Variants in DCC observed in about 807,000 individuals in gnomAD.
DCC encodes DCC netrin 1 receptor, also known as netrin receptor DCC.
In DCC, 58 loss-of-function variants were observed where a neutral mutation model predicts 172.5. The ratio of observed to expected loss-of-function variants is 0.34; its 90% CI spans 0.27 to 0.42. DCC has a LOEUF of 0.42. Ranked by LOEUF, DCC falls within the 10% of genes least tolerant of loss-of-function variation. The pLI, the probability that DCC is intolerant of heterozygous loss-of-function variation, is 1.00. For missense variants in DCC, 1,740 were observed against 1,791.0 expected (o/e 0.97, Z 0.51); for synonymous variants, 709 against 644.5 (o/e 1.10, Z -1.52).
intron 7 of DCC, among the ~76,000 whole-genome samples, chr18:53,087,573 GTTTCTTT>G (rs1287628553): frequency 1.3e-5 from 2 of 152,134 alleles, no homozygotes; most frequent in Non-Finnish European, 2.9e-5. Context: ...TCTGATGGTA[GTTTCTTT>G]TGCTGTGCAG....
chr18:52,711,172 T>G (rs2036285532), intron 1 of DCC, among the ~76,000 whole-genome samples: 1 of 152,334 alleles, frequency 6.6e-6, no homozygotes, highest in Admixed American at 6.5e-5. Context: ...TATTTATTTG[T>G]TTATTCTGTC....
chr18:53,113,951 C>G (rs1389263929), intron 7 of DCC, among the ~76,000 whole-genome samples: 2 of 151,286 alleles, frequency 1.3e-5, no homozygotes, highest in Admixed American at 1.3e-4. Flanking sequence ...TTCTATTGCT[C>G]TAAATTTCTG....
intron 27 of DCC, among the ~76,000 whole-genome samples, chr18:53,519,018 T>C (rs1365716634): frequency 1.3e-5 from 2 of 152,098 alleles, no homozygotes; most frequent in East Asian, 3.9e-4. Context: ...TTATTGCAAT[T>C]TGAGTTAAGC....
intron 2 of DCC, among the ~76,000 whole-genome samples, chr18:52,823,796 G>T (rs2038454559): frequency 6.6e-6 from 1 of 152,122 alleles, no homozygotes; most frequent in Non-Finnish European, 1.5e-5. Flanking sequence ...TATCTTCAGG[G>T]GGTGTCCTGT....
At chr18:53,088,047 G>T (rs1395981147) in intron 7 of DCC, among the ~76,000 whole-genome samples, 1 of 152,146 alleles carries the variant, frequency 6.6e-6, no homozygotes, top group African/African-American at 2.4e-5. Context: ...GATGCCTCCA[G>T]CTTTGTTCTT....
intron 2 of DCC, among the ~76,000 whole-genome samples, chr18:52,800,568 G>C (rs761716994): frequency 1.3e-5 from 2 of 152,180 alleles, no homozygotes; most frequent in Non-Finnish European, 2.9e-5. Flanking sequence ...GTTGAAAATG[G>C]TGTTGACGGT....
chr18:52,355,012 T>C (rs1283896409), intron 1 of DCC, among the ~76,000 whole-genome samples: 2 of 152,184 alleles, frequency 1.3e-5, no homozygotes, highest in African/African-American at 4.8e-5. Context: ...CGAATGCATA[T>C]AGGGCATTTG....
chr18:52,723,643 A>G (rs895537208), intron 1 of DCC, among the ~76,000 whole-genome samples: 1 of 152,172 alleles, frequency 6.6e-6, no homozygotes, highest in Admixed American at 6.5e-5. Flanking sequence ...CAGATGAATC[A>G]CTTAGCATGG....
At chr18:52,487,639 C>T (rs893605996) in intron 1 of DCC, among the ~76,000 whole-genome samples, 1 of 151,704 alleles carries the variant, frequency 6.6e-6, no homozygotes, top group African/African-American at 2.4e-5. Flanking sequence ...GGTGAAATTC[C>T]GTCTTTACTA....
intron 1 of DCC, among the ~76,000 whole-genome samples, chr18:52,508,335 C>T (rs985670949): frequency 6.6e-6 from 1 of 152,074 alleles, no homozygotes; most frequent in Non-Finnish European, 1.5e-5. Flanking sequence ...ATCATTAATA[C>T]AAACATACCT....
In DCC at chr18:53,130,631, C is replaced by T. The variant is rs891537454; in HGVS notation, c.1262-26725C>T. ...GCAGGGTGTGCCTAACACAAAATTC[C>T]GAACAATTGTCTTGTTTTCAACCCC... On this transcript the variant is annotated intron_variant, in intron 7 of 28. Transcript: ENST00000442544. Among the ~76,000 whole-genome samples, 6 of 152,066 alleles carry T rather than the reference C, an allele frequency of 3.9e-5. No individual in the cohort carries two copies. The South Asian group carries it at 6.2e-4, about 16-fold the overall frequency.
intron 7 of DCC, among the ~76,000 whole-genome samples, chr18:53,090,700 A>AC (rs2042991897): frequency 2.1e-5 from 1 of 46,900 alleles, no homozygotes; most frequent in Admixed American, 1.9e-4. Context: ...TCCCCCAACA[A>AC]AAAAAAAAAA....
chr18:52,676,561 T>C (rs1275888600), intron 1 of DCC, among the ~76,000 whole-genome samples: 1 of 152,184 alleles, frequency 6.6e-6, no homozygotes, highest in Non-Finnish European at 1.5e-5. Context: ...TTTCAAGTGA[T>C]TAAATTGAGG....
chr18:52,913,458 A>G (rs9963251), intron 3 of DCC, among the ~76,000 whole-genome samples: 60,384 of 151,854 alleles, frequency 0.4, 12,571 homozygotes, highest in Non-Finnish European at 0.47. Flanking sequence ...CATGTCTATC[A>G]TTCTAAAATT....
At chr18:52,489,584 G>A (rs2030400013) in intron 1 of DCC, among the ~76,000 whole-genome samples, 1 of 152,040 alleles carries the variant, frequency 6.6e-6, no homozygotes, top group African/African-American at 2.4e-5. Flanking sequence ...ATAATTTCTG[G>A]CCTTGATTCT....
intron 3 of DCC, among the ~76,000 whole-genome samples, chr18:52,917,914 C>A (rs534803885): frequency 1.3e-4 from 20 of 152,274 alleles, no homozygotes; most frequent in Non-Finnish European, 2.8e-4. Flanking sequence ...CATTTACGTT[C>A]ATGAGCATCA....
chr18:52,891,753 T>G (rs2039653618), intron 2 of DCC, among the ~76,000 whole-genome samples: 1 of 152,140 alleles, frequency 6.6e-6, no homozygotes, highest in Admixed American at 6.6e-5. Context: ...CAATAGGTTC[T>G]GTTCATTATA....
chr18:53,265,553 T>G (rs1327400155), intron 12 of DCC, among the ~76,000 whole-genome samples: 1 of 152,218 alleles, frequency 6.6e-6, no homozygotes, highest in African/African-American at 2.4e-5. Context: ...CGTTTCCCTG[T>G]TAGTTTTCTG....
At chr18:53,128,870 CAT>C (rs367907467) in intron 7 of DCC, among the ~76,000 whole-genome samples, 4,215 of 76,686 alleles carry the variant, frequency 0.055, 130 homozygotes, top group African/African-American at 0.13. Context: ...CACACACACA[CAT>C]ATATATATAT....
Sources: allele counts gnomAD v4.1 joint callset (sites outside exome capture counted in the v4.1 genomes callset), GRCh38; gene constraint gnomAD v4.1.1; transcripts MANE v1.5; gene names NCBI Gene and HGNC (gene_info 2026-07-23, HGNC 2026-07-21).